TNRC18: variants seen among roughly 807,000 people sequenced by gnomAD.
The protein encoded by TNRC18 is trinucleotide repeat-containing gene 18 protein.
In TNRC18, 69 loss-of-function variants were observed where a neutral mutation model predicts 226.7. The observed-to-expected ratio is 0.30, with a 90% confidence interval of 0.25 to 0.37. The LOEUF is 0.37. TNRC18 is among the 10% of genes least tolerant of loss of function. The pLI is 1.00. For missense variants in TNRC18, 4,754 were observed against 4,256.6 expected, an observed-to-expected ratio of 1.12 and a Z score of -3.25; for synonymous variants, 2,449 against 1,927.6, an observed-to-expected ratio of 1.27 and a Z score of -7.09.
chr7:5,384,286 A>C (rs1262396677), intron 5 of TNRC18, among the ~76,000 whole-genome samples: 1 of 151,902 alleles, frequency 6.6e-6, no homozygotes, highest in African/African-American at 2.4e-5. Context: ...TTTTTTGTAG[A>C]GACAAGGTCT....
intron 2 of TNRC18, among the ~76,000 whole-genome samples, chr7:5,403,100 C>T (rs538112540): frequency 1.3e-5 from 2 of 152,092 alleles, no homozygotes; most frequent in South Asian, 2.1e-4. Flanking sequence ...GTCTGTTAGA[C>T]ATAGGTTGCA....
At position 5,312,759 on chromosome 7, in the gene TNRC18, C is replaced by T. The variant is rs780459767; in HGVS notation, c.8132G>A (p.Arg2711Gln). 3.6e-4 allele frequency: 545 copies of T among 1,533,616 alleles called. 1 individual carries two copies. Among genetic ancestry groups the T allele is most frequent in the Admixed American group, 1.3e-3 (63 of 47,310 alleles). ...TKATKQAGKA[R>Q]PSAHSPGKKT... Reference sequence around the variant, plus strand: ...CTTGCCTGGGGAGTGGGCCGAGGGCCGCGCCTTGCCGGCCTGCTTGGTGGC... The same window carrying T: ...CTTGCCTGGGGAGTGGGCCGAGGGCTGCGCCTTGCCGGCCTGCTTGGTGGC... Residue 2711 changes from arginine to glutamine, a missense_variant, in exon 27 of 30, where the codon CGG becomes CAG. Physicochemically the swap from Arg to Gln is conservative, Grantham distance 43. Transcript: ENST00000430969. This position sits in a 1 kb window ranked among gnomAD's most constrained non-coding sequence, Gnocchi z 6.3.
At chr7:5,364,631 C>A (rs10249319) in intron 11 of TNRC18, among the ~76,000 whole-genome samples, 4,400 of 151,838 alleles carry the variant, frequency 0.029, 227 homozygotes, top group African/African-American at 0.1. Flanking sequence ...TGGTAAAACC[C>A]CCTCTCTACT....
chr7:5,418,811 G>A (rs572693596), intron 2 of TNRC18, among the ~76,000 whole-genome samples: 2 of 152,262 alleles, frequency 1.3e-5, no homozygotes, highest in East Asian at 1.9e-4. Context: ...GTGTAATCCG[G>A]CCCAGCCCCA....
At position 5,324,840 on chromosome 7, in the gene TNRC18, C is replaced by A. The variant is rs1175498155; in HGVS notation, c.6300+256G>T. Among the ~76,000 whole-genome samples the A allele has an allele frequency of 6.6e-6, 1 of 152,186 alleles. No homozygotes were observed. Among genetic ancestry groups the A allele is most frequent in the African/African-American group, 2.4e-5 (1 of 41,428 alleles). On this transcript the variant is annotated intron_variant, in intron 20 of 29. Coordinates refer to ENST00000430969, the MANE Select transcript of TNRC18 (RefSeq NM_001080495.3). This position sits in a 1 kb window ranked among gnomAD's most constrained non-coding sequence, Gnocchi z 4.8. The stretch of plus-strand genomic sequence containing the variant: ...TGGTGCTGGGCTGGGGGCCTGTCAC[C>A]CAGGTCTCCTGGTCTCTGTTCCAGT...
rs1792506419 is a variant in TNRC18 at position 5,357,096 on chromosome 7, G to A, written c.5014C>T (p.Leu1672=). Residue 1672 remains leucine (L), a synonymous_variant, in exon 16 of 30, where the codon CTG becomes TTG. Transcript: ENST00000430969. ...AGCGCCTTCCTGTTCTTCCCCAGCA[G>A]GCTGTCGTAAGGAGTCAAGTACCTG... The part of the protein sequence containing the change: ...CGRYLTPYDS[L]LGKNRKALAK... 4 of 1,552,106 alleles carry A rather than the reference G, an allele frequency of 2.6e-6. No individual in the cohort carries two copies. The highest frequency in any genetic ancestry group is 2.6e-6 in the Non-Finnish European group (3 of 1,147,184).
rs1339220997 is a variant in TNRC18 at position 5,357,225 on chromosome 7, T to C, written c.4885A>G (p.Lys1629Glu). The C allele has an allele frequency of 3.7e-6, 6 of 1,612,480 alleles. No individual in the cohort carries two copies. The highest frequency in any genetic ancestry group is 5.1e-6 in the Non-Finnish European group (6 of 1,179,450). ...GTGAGGGAGAGGGCCTTGTCGAGCT[T>C]GCTTGCCAACTGCTCCTGGTCGCTG... ...MASDQEQLAS[K>E]LDKALSLTKQ... The change falls in exon 16 of 30, where the codon AAG becomes GAG. Residue 1629 changes from lysine (K) to glutamate (E), a missense_variant. By Grantham distance (56) the Lys-to-Glu change is moderately conservative. Transcript: ENST00000430969.
chr7:5,381,232 G>A (rs971417952), intron 5 of TNRC18, among the ~76,000 whole-genome samples: 2 of 152,152 alleles, frequency 1.3e-5, no homozygotes, highest in Non-Finnish European at 1.5e-5. Flanking sequence ...CCACCCCTGC[G>A]CTTGGCCGGG....
intron 5 of TNRC18, among the ~76,000 whole-genome samples, chr7:5,381,382 C>G (rs1332934780): frequency 6.6e-6 from 1 of 152,142 alleles, no homozygotes; most frequent in Non-Finnish European, 1.5e-5. Context: ...CACTTGTCCC[C>G]TTCCCCACCT....
intron 4 of TNRC18, chr7:5,390,221 TG>T: frequency 1.9e-6 from 1 of 521,026 alleles, no homozygotes; most frequent in South Asian, 3.3e-5. Flanking sequence ...AAAAGTCAGC[TG>T]GCTGTGGTGG....
At chr7:5,319,773 G>A (rs201809758) in intron 24 of TNRC18, among the ~76,000 whole-genome samples, 1 of 152,128 alleles carries the variant, frequency 6.6e-6, no homozygotes, top group Non-Finnish European at 1.5e-5. Context: ...GCCTCCCAAA[G>A]TGCTGGGATT....
At chr7:5,383,107 G>T (rs775458641) in intron 5 of TNRC18, among the ~76,000 whole-genome samples, 1 of 151,884 alleles carries the variant, frequency 6.6e-6, no homozygotes, top group Admixed American at 6.6e-5. Flanking sequence ...TCACTATGTT[G>T]CCTAGGCTAG....
intron 2 of TNRC18, among the ~76,000 whole-genome samples, chr7:5,401,543 G>A (rs143658419): frequency 8.3e-4 from 126 of 152,270 alleles, no homozygotes; most frequent in Admixed American, 2.3e-3. Flanking sequence ...GTTATCACAG[G>A]TGTTAGTTCC....
At position 5,313,274 on chromosome 7, in the gene TNRC18, C is replaced by T. The variant is rs1286213421; in HGVS notation, c.7617G>A (p.Gly2539=). 1.9e-6 allele frequency: 3 copies of T among 1,548,548 alleles called. No homozygotes were observed. The highest frequency in any genetic ancestry group is 1.4e-5 in the African/African-American group (1 of 72,968). Residue 2539 remains glycine (G), a synonymous_variant, in exon 27 of 30, where the codon GGG becomes GGA. Transcript: ENST00000430969. Reference sequence around the variant, plus strand: ...GGGCCTTGTCTGGGCTCTTGGGGTTCCCAGAGTCCTCGAACGTGAGCCCCG... The same window carrying T: ...GGGCCTTGTCTGGGCTCTTGGGGTTTCCAGAGTCCTCGAACGTGAGCCCCG... ...PGPGLTFEDS[G]NPKSPDKAQA...
intron 5 of TNRC18, 101 bp downstream of exon 5, chr7:5,387,567 TAAAG>T (rs1562593864): frequency 1.4e-6 from 2 of 1,468,928 alleles, no homozygotes; most frequent in African/African-American, 1.4e-5. Flanking sequence ...ATGATACTTA[TAAAG>T]ACTTAGCAAT....
intron 19 of TNRC18, among the ~76,000 whole-genome samples, chr7:5,330,228 A>C (rs1432023069): frequency 6.6e-6 from 1 of 151,962 alleles, no homozygotes; most frequent in Non-Finnish European, 1.5e-5. Context: ...CACTGCAAAC[A>C]GCCTTTTTCT....
At chr7:5,417,966 C>T (rs1782295057) in intron 2 of TNRC18, among the ~76,000 whole-genome samples, 1 of 152,176 alleles carries the variant, frequency 6.6e-6, no homozygotes, top group African/African-American at 2.4e-5. Context: ...CTAGCCAAGC[C>T]AAGCCCCTCC....
At chr7:5,416,893 A>C (rs1197027396) in intron 2 of TNRC18, among the ~76,000 whole-genome samples, 1 of 151,718 alleles carries the variant, frequency 6.6e-6, no homozygotes, top group African/African-American at 2.4e-5. Flanking sequence ...CAAGATGCCA[A>C]GGCAGGAGGA....
intron 11 of TNRC18, 42 bp from the exon 12 acceptor site, chr7:5,362,867 T>C: frequency 2.1e-6 from 3 of 1,455,010 alleles, no homozygotes; most frequent in South Asian, 2.8e-5. Context: ...CTGCCACCCC[T>C]TCCCCAACCC....
Sources: gnomAD v4.1 joint callset for allele counts (sites outside exome capture counted in the v4.1 genomes callset) on GRCh38, gnomAD v4.1.1 for gene constraint, Gnocchi (gnomAD v3.1) non-coding constraint, MANE v1.5 for transcripts, NCBI Gene and HGNC (gene_info 2026-07-23, HGNC 2026-07-21) for gene names.